ZC3H12B: variants seen among roughly 807,000 people sequenced by gnomAD.
ZC3H12B encodes the protein zinc finger CCCH-type containing 12B.
A neutral mutation model predicts 43.9 loss-of-function variants in ZC3H12B; 7 were observed. The observed-to-expected ratio is 0.16, with a 90% confidence interval of 0.09 to 0.30. ZC3H12B has a LOEUF of 0.30. Among genes scored for constraint, ZC3H12B ranks in the 10% least tolerant of loss-of-function variants. The probability of loss-of-function intolerance (pLI) is 1.00; values close to 1 mark genes in which losing one functional copy is unlikely to be tolerated. For synonymous variants in ZC3H12B, 222 were observed against 241.7 expected (o/e 0.92, Z 0.76); for missense variants, 475 against 670.2 (o/e 0.71, Z 3.22).
intron 3 of ZC3H12B, among the ~76,000 whole-genome samples, chrX:65,434,403 A>G (rs2067196962): frequency 8.9e-6 from 1 of 112,192 alleles, no homozygotes; most frequent in African/African-American, 3.2e-5. Context: ...GAGATTGGGC[A>G]TCTCCAACTG....
At chrX:65,365,305 T>A (rs1035583529), upstream of ZC3H12B, among the ~76,000 whole-genome samples, 1 of 111,563 alleles carries the variant, frequency 9.0e-6, no homozygotes, top group Non-Finnish European at 1.9e-5. Context: ...TCTAATTGGA[T>A]GTCCTGGGTC....
chrX:65,376,991 C>T (rs952946716), intron 2 of ZC3H12B, among the ~76,000 whole-genome samples: 4 of 109,976 alleles, frequency 3.6e-5, no homozygotes, highest in East Asian at 2.8e-4. Context: ...ATAGCTGTTT[C>T]GAGAAAACTG....
chrX:65,258,467 A>G, the ZC3H12B span, among the ~76,000 whole-genome samples: 1 of 111,964 alleles, frequency 8.9e-6, no homozygotes, highest in Non-Finnish European at 1.9e-5. Context: ...CATCATACTA[A>G]ATGGCCAAAA....
chrX:65,119,068 G>A, the ZC3H12B span, among the ~76,000 whole-genome samples: 1 of 111,037 alleles, frequency 9.0e-6, no homozygotes, highest in Admixed American at 9.6e-5. Context: ...ATTTGGGTTG[G>A]TTCCAAGTCT....
At chrX:65,458,203 G>A (rs1344389935) in intron 3 of ZC3H12B, among the ~76,000 whole-genome samples, 4 of 108,283 alleles carry the variant, frequency 3.7e-5, no homozygotes, top group Non-Finnish European at 5.7e-5. Flanking sequence ...ACCCAGATTC[G>A]TAAAGCAAGT....
At chrX:65,228,391 A>G in the ZC3H12B span, among the ~76,000 whole-genome samples, 1 of 111,697 alleles carries the variant, frequency 9.0e-6, no homozygotes, top group African/African-American at 3.3e-5. Context: ...TCTCAAAATA[A>G]TAAGAGCTAT....
At chrX:65,190,128 G>C in the ZC3H12B span, among the ~76,000 whole-genome samples, 4 of 110,621 alleles carry the variant, frequency 3.6e-5, no homozygotes, top group Admixed American at 2.9e-4. Flanking sequence ...CATTATTTCT[G>C]AGGGCTGTGT....
chrX:65,293,597 TAAAA>T, the ZC3H12B span, among the ~76,000 whole-genome samples: 1 of 97,755 alleles, frequency 1.0e-5, no homozygotes, highest in Non-Finnish European at 2.1e-5. Flanking sequence ...CTTAAAGAAA[TAAAA>T]AAAAAAGATA....
chrX:65,113,005 A>C, the ZC3H12B span, among the ~76,000 whole-genome samples: 8 of 111,906 alleles, frequency 7.1e-5, no homozygotes, highest in African/African-American at 2.6e-4. Flanking sequence ...CATTAAGGAC[A>C]TTTGTACTTC....
At chrX:65,103,727 T>A in the ZC3H12B span, among the ~76,000 whole-genome samples, 9 of 111,481 alleles carry the variant, frequency 8.1e-5, no homozygotes, top group Non-Finnish European at 1.9e-5. Flanking sequence ...AGTCCCTCTG[T>A]TTGGGGTCCC....
At chrX:65,377,338 T>A (rs1193099406) in intron 2 of ZC3H12B, among the ~76,000 whole-genome samples, 1 of 109,715 alleles carries the variant, frequency 9.1e-6, no homozygotes, top group Non-Finnish European at 1.9e-5. Flanking sequence ...AGAGATATGA[T>A]TAGAGAGATT....
intron 3 of ZC3H12B, among the ~76,000 whole-genome samples, chrX:65,413,850 T>C (rs946984560): frequency 2.7e-5 from 3 of 112,317 alleles, no homozygotes; most frequent in African/African-American, 9.7e-5. Context: ...TGGTAGACAT[T>C]CCATTGAATC....
At chrX:65,118,923 G>A in the ZC3H12B span, among the ~76,000 whole-genome samples, 2 of 108,320 alleles carry the variant, frequency 1.8e-5, no homozygotes, top group African/African-American at 6.7e-5. Context: ...CCTTGCGATA[G>A]TTTCCTCAGA....
chrX:65,329,211 T>C, the ZC3H12B span, among the ~76,000 whole-genome samples: 2 of 111,425 alleles, frequency 1.8e-5, no homozygotes, highest in East Asian at 2.8e-4. Flanking sequence ...CCAGCACCTG[T>C]TCTTTCCTGA....
the ZC3H12B span, among the ~76,000 whole-genome samples, chrX:65,239,051 T>G: frequency 8.9e-6 from 1 of 112,429 alleles, no homozygotes; most frequent in Non-Finnish European, 1.9e-5. Context: ...GAGAAGAATG[T>G]GCATTCTGTT....
chrX:65,354,200 C>T, the ZC3H12B span, among the ~76,000 whole-genome samples: 1 of 111,963 alleles, frequency 8.9e-6, no homozygotes, highest in Non-Finnish European at 1.9e-5. Context: ...GGTCGACAGA[C>T]ATCTTGTACA....
intron 3 of ZC3H12B, among the ~76,000 whole-genome samples, chrX:65,452,668 C>A (rs1350551078): frequency 2.7e-5 from 3 of 111,348 alleles, no homozygotes; most frequent in Non-Finnish European, 5.7e-5. Flanking sequence ...TGGTGAAACC[C>A]CATCTCTACT....
upstream of ZC3H12B, among the ~76,000 whole-genome samples, chrX:65,365,180 T>G (rs2066157554): frequency 1.8e-5 from 2 of 111,091 alleles, no homozygotes; most frequent in South Asian, 7.6e-4. Context: ...TAATGGTCTT[T>G]TAAAAGCACA....
At chrX:65,238,668 G>A in the ZC3H12B span, among the ~76,000 whole-genome samples, 3 of 111,263 alleles carry the variant, frequency 2.7e-5, no homozygotes, top group Non-Finnish European at 3.8e-5. Flanking sequence ...AGTTCTTTTA[G>A]TTGTAATGTT....
Sources: allele counts gnomAD v4.1 joint callset (sites outside exome capture counted in the v4.1 genomes callset), GRCh38; gene constraint gnomAD v4.1.1; transcripts MANE v1.5; gene names NCBI Gene and HGNC (gene_info 2026-07-23, HGNC 2026-07-21).